The following CA2 variants were observed in gnomAD, a reference collection of about 807,000 sequenced individuals.
The protein encoded by CA2 is carbonate dehydratase II.
A neutral mutation model predicts 27.8 loss-of-function variants in CA2; 23 were observed. The ratio of observed to expected loss-of-function variants is 0.83; its 90% CI spans 0.59 to 1.17. The LOEUF (loss-of-function observed/expected upper bound fraction) is 1.17, where lower values mean the gene tolerates loss of function less well. Ranked by LOEUF, CA2 falls within the 50% of genes most tolerant of loss-of-function variation. The pLI, the probability that CA2 is intolerant of heterozygous loss-of-function variation, is 0.00. For missense variants in CA2, 300 were observed against 314.7 expected (o/e 0.95, Z 0.35); for synonymous variants, 99 against 114.9 (o/e 0.86, Z 0.88).
intron 2 of CA2, among the ~76,000 whole-genome samples, chr8:85,469,580 C>T (rs973839379): frequency 2.0e-5 from 3 of 151,960 alleles, no homozygotes; most frequent in African/African-American, 7.3e-5. Flanking sequence ...AATAACTCAC[C>T]CTGCTTGAGA....
At chr8:85,465,519 G>C in intron 2 of CA2, 50 bp downstream of exon 2, 2 of 1,457,948 alleles carry the variant, frequency 1.4e-6, no homozygotes, top group Non-Finnish European at 1.9e-6. Flanking sequence ...GCTGTTTTCC[G>C]AGCTTAATGG....
chr8:85,477,271 A>G lies in CA2; in HGVS notation c.659A>G (p.Glu220Gly). Residue 220 changes from glutamate to glycine, a missense_variant, in exon 6 of 7, where the codon GAG becomes GGG. Transcript: ENST00000285379. ...AAGGAACCCATCAGCGTCAGCAGCG[A>G]GCAGGTTTGTTTTGTAATGACAGGT... The part of the protein sequence containing the change: ...VLKEPISVSS[E>G]QVLKFRKLNF... 1 of 1,614,056 alleles carries G rather than the reference A, an allele frequency of 6.2e-7. No homozygotes were observed. Among genetic ancestry groups the G allele is most frequent in the African/African-American group, 1.3e-5 (1 of 75,014 alleles).
chr8:85,472,910 G>C (rs1484608674), intron 2 of CA2, among the ~76,000 whole-genome samples: 1 of 151,562 alleles, frequency 6.6e-6, no homozygotes, highest in Non-Finnish European at 1.5e-5. Flanking sequence ...AGAATCGCTT[G>C]AACTCTGCTT....
At chr8:85,474,616 T>C in intron 4 of CA2, 200 bp downstream of exon 4, 1 of 599,430 alleles carries the variant, frequency 1.7e-6, no homozygotes, top group Non-Finnish European at 3.0e-6. Flanking sequence ...GAGAGGTACT[T>C]ATTTGGTACC....
At chr8:85,468,925 A>T (rs1313006972) in intron 2 of CA2, among the ~76,000 whole-genome samples, 2 of 152,070 alleles carry the variant, frequency 1.3e-5, no homozygotes, top group Non-Finnish European at 2.9e-5. Flanking sequence ...CTTAATAAAC[A>T]TGAAGAAACA....
chr8:85,479,988 A>G (rs894335197), intron 6 of CA2, among the ~76,000 whole-genome samples: 2 of 152,142 alleles, frequency 1.3e-5, no homozygotes, highest in African/African-American at 4.8e-5. Context: ...GGGGCAGAAA[A>G]CAAAGCTTTA....
At chr8:85,473,272 A>G in intron 2 of CA2, 1 of 384,736 alleles carries the variant, frequency 2.6e-6, no homozygotes, top group South Asian at 1.9e-5. Flanking sequence ...TGTGTGTAGC[A>G]GACCAATTTA....
chr8:85,477,344 A>G (rs1586016994), intron 6 of CA2, 69 bp downstream of exon 6: 13 of 1,545,256 alleles, frequency 8.4e-6, no homozygotes, highest in African/African-American at 1.4e-5. Flanking sequence ...CTTGGCCTCC[A>G]GAGTGAGAGA....
intron 4 of CA2, 146 bp downstream of exon 4, chr8:85,474,562 A>G (rs1563434635): frequency 2.8e-6 from 2 of 716,202 alleles, no homozygotes; most frequent in Non-Finnish European, 5.1e-6. Flanking sequence ...TCCTCCTTTC[A>G]TATCTGCTAG....
intron 6 of CA2, among the ~76,000 whole-genome samples, chr8:85,480,449 T>TG: frequency 6.7e-6 from 1 of 150,340 alleles, no homozygotes; most frequent in Middle Eastern, 3.4e-3. Context: ...GTGTGTGTTT[T>TG]TTTTTTTGTA....
chr8:85,468,983 T>G (rs1226754674), intron 2 of CA2, among the ~76,000 whole-genome samples: 1 of 152,140 alleles, frequency 6.6e-6, no homozygotes, highest in African/African-American at 2.4e-5. Context: ...CTTGCTAGTT[T>G]GCTGGAGGGA....
At chr8:85,478,522 A>T (rs549547396) in intron 6 of CA2, among the ~76,000 whole-genome samples, 59 of 152,332 alleles carry the variant, frequency 3.9e-4, no homozygotes, top group African/African-American at 1.4e-3. Flanking sequence ...ACTTTAAAGC[A>T]ATAGTCTGAC....
intron 2 of CA2, among the ~76,000 whole-genome samples, chr8:85,470,076 T>A (rs1811692441): frequency 1.3e-5 from 2 of 152,232 alleles, no homozygotes; most frequent in African/African-American, 4.8e-5. Flanking sequence ...TTCTAAACAC[T>A]GTAGTTACTA....
rs1232896710 is a variant in CA2 at position 85,475,938 on chromosome 8, A to G, written c.507+78A>G. 4.5e-6 allele frequency: 5 copies of G among 1,122,768 alleles called. No individual in the cohort carries two copies. The African/African-American group carries it at 7.7e-5, about 17-fold the overall frequency. 69.6% of individuals were successfully genotyped at this position (1,122,768 alleles called of 1,614,324 possible). A position where few individuals can be genotyped will look rare whatever the true frequency, so the allele number is the denominator to read the frequency against. On this transcript the variant is annotated intron_variant, in intron 5 of 6. Coordinates refer to ENST00000285379, the MANE Select transcript of CA2 (RefSeq NM_000067.3). The stretch of plus-strand genomic sequence containing the variant: ...TTGGTTTTAGAAATTTCTTTTGATC[A>G]AATTGCACAGTCTCAATGACATGTG...
At chr8:85,469,587 G>C (rs1811684989) in intron 2 of CA2, among the ~76,000 whole-genome samples, 1 of 152,096 alleles carries the variant, frequency 6.6e-6, no homozygotes, top group Non-Finnish European at 1.5e-5. Context: ...CACCCTGCTT[G>C]AGATGTTTTA....
At chr8:85,472,095 G>C (rs997521623) in intron 2 of CA2, among the ~76,000 whole-genome samples, 3 of 152,176 alleles carry the variant, frequency 2.0e-5, no homozygotes, top group African/African-American at 7.2e-5. Context: ...CTTCAAAGCA[G>C]TCTTTCACTT....
chr8:85,464,251 G>A, intron 1 of CA2, 136 bp downstream of exon 1: 1 of 710,448 alleles, frequency 1.4e-6, no homozygotes, highest in Non-Finnish European at 2.1e-6. Context: ...AGTGCTGGAG[G>A]CTCAGGTGCG....
chr8:85,465,502 G>C lies in CA2; in HGVS notation c.232+33G>C, dbSNP rs190187220. On this transcript the variant is annotated intron_variant, in intron 2 of 6. Transcript: ENST00000285379. ...TTTAGAAAATAACTTGTGTCTTTTA[G>C]CCAGTAGCTGTTTTCCGAGCTTAAT... 1.6e-3 allele frequency: 2,454 copies of C among 1,560,220 alleles called. 8 individuals are homozygous for C. The highest frequency in any genetic ancestry group is 2.0e-3 in the Non-Finnish European group (2,226 of 1,139,160).
rs1011782856 is a variant in CA2, at chr8:85,464,114, C to T, written c.33C>T (p.Asn11=). The T allele has an allele frequency of 1.9e-6, 3 of 1,541,910 alleles. No homozygotes were observed. Among genetic ancestry groups the T allele is most frequent in the East Asian group, 2.5e-5 (1 of 40,310 alleles). The change falls in exon 1 of 7, where the codon AAC becomes AAT. Residue 11 remains asparagine (N), a splice_region_variant and synonymous_variant. Coordinates refer to ENST00000285379, the MANE Select transcript of CA2 (RefSeq NM_000067.3). The part of the protein sequence containing the change: MSHHWGYGKH[N]GPEHWHKDFP... Reference sequence around the variant, plus strand: ...ATCACTGGGGGTACGGCAAACACAACGGTGAGTGCCGGCGACGGCCAGCGC... The same window carrying T: ...ATCACTGGGGGTACGGCAAACACAATGGTGAGTGCCGGCGACGGCCAGCGC...
Sources: allele counts gnomAD v4.1 joint callset (sites outside exome capture counted in the v4.1 genomes callset), GRCh38; gene constraint gnomAD v4.1.1; transcripts MANE v1.5; gene names NCBI Gene and HGNC (gene_info 2026-07-23, HGNC 2026-07-21).